The following RAPGEF4 variants were observed in gnomAD, a reference collection of about 807,000 sequenced individuals.
The protein encoded by RAPGEF4 is Rap guanine nucleotide exchange factor 4, also known as RAP guanine-nucleotide-exchange factor (GEF) 4.
Under a neutral mutation model 147.9 loss-of-function variants are expected in RAPGEF4, and 66 were observed. That is an observed-to-expected ratio of 0.45 (90% CI 0.37 to 0.55). The LOEUF (loss-of-function observed/expected upper bound fraction) is 0.55, where lower values mean the gene tolerates loss of function less well. Ranked by LOEUF, RAPGEF4 falls within the 20% of genes least tolerant of loss-of-function variation. The pLI, the probability that RAPGEF4 is intolerant of heterozygous loss-of-function variation, is 0.00. For synonymous variants in RAPGEF4, 419 were observed against 442.7 expected, an observed-to-expected ratio of 0.95 and a Z score of 0.67; for missense variants, 1,071 against 1,257.3, an observed-to-expected ratio of 0.85 and a Z score of 2.24.
chr2:172,810,619 G>C (rs541483230), intron 3 of RAPGEF4, among the ~76,000 whole-genome samples: 1 of 152,226 alleles, frequency 6.6e-6, no homozygotes. Context: ...AGGCGATTTT[G>C]TGTGTGTGTT....
chr2:172,981,628 G>A (rs977656115), intron 10 of RAPGEF4, among the ~76,000 whole-genome samples: 1 of 152,228 alleles, frequency 6.6e-6, no homozygotes, highest in African/African-American at 2.4e-5. Flanking sequence ...TCAGGATTAG[G>A]AAGATAGCCC....
chr2:172,974,393 T>C (rs969330587), intron 10 of RAPGEF4, among the ~76,000 whole-genome samples: 4 of 152,148 alleles, frequency 2.6e-5, no homozygotes, highest in Non-Finnish European at 5.9e-5. Flanking sequence ...TTTAAAATAA[T>C]TCTTACAAGG....
At chr2:173,001,993 C>CAAATAAAAAAAAAAA (rs1693970482) in intron 17 of RAPGEF4, among the ~76,000 whole-genome samples, 1 of 79,312 alleles carries the variant, frequency 1.3e-5, no homozygotes, top group Non-Finnish European at 2.5e-5. Flanking sequence ...GTGATGCTGG[C>CAAATAAAAAAAAAAA]AAAAAAAAAA....
intron 6 of RAPGEF4, among the ~76,000 whole-genome samples, chr2:172,957,788 G>A (rs1411891491): frequency 6.6e-6 from 1 of 152,182 alleles, no homozygotes; most frequent in Non-Finnish European, 1.5e-5. Flanking sequence ...CCTGGAACTG[G>A]TACTAGGATT....
chr2:172,859,309 G>A (rs1253602088), intron 4 of RAPGEF4, among the ~76,000 whole-genome samples: 1 of 152,128 alleles, frequency 6.6e-6, no homozygotes, highest in East Asian at 1.9e-4. Flanking sequence ...AAAGCATTGA[G>A]GTGCTGCTAA....
At chr2:172,899,016 T>C (rs1274783814) in intron 4 of RAPGEF4, among the ~76,000 whole-genome samples, 1 of 152,228 alleles carries the variant, frequency 6.6e-6, no homozygotes, top group Non-Finnish European at 1.5e-5. Context: ...GCTATGTATA[T>C]ATTGATGTGG....
At chr2:172,801,484 G>A (rs955632237) in intron 3 of RAPGEF4, among the ~76,000 whole-genome samples, 17 of 152,170 alleles carry the variant, frequency 1.1e-4, no homozygotes, top group African/African-American at 3.9e-4. Context: ...GAGCCAGGAT[G>A]GTGGAAGAAG....
intron 4 of RAPGEF4, among the ~76,000 whole-genome samples, chr2:172,870,526 A>G (rs764184440): frequency 7.2e-5 from 11 of 152,104 alleles, no homozygotes; most frequent in Non-Finnish European, 1.2e-4. Flanking sequence ...TTGTTTTCCT[A>G]TTCCTGGTTT....
intron 23 of RAPGEF4, among the ~76,000 whole-genome samples, chr2:173,023,436 C>G (rs900354436): frequency 6.6e-6 from 1 of 152,168 alleles, no homozygotes; most frequent in Non-Finnish European, 1.5e-5. Flanking sequence ...GGGCTATGTA[C>G]AAGAAAATGG....
chr2:172,762,423 A>G (rs1182595920), intron 1 of RAPGEF4, among the ~76,000 whole-genome samples: 1 of 152,220 alleles, frequency 6.6e-6, no homozygotes, highest in Non-Finnish European at 1.5e-5. Context: ...TATGCTCTTT[A>G]TGGAGTCCCA....
At position 172,985,471 on chromosome 2, in the gene RAPGEF4, T is replaced by G; in HGVS notation, c.1128T>G (p.Ser376=). The G allele has an allele frequency of 4.3e-6, 7 of 1,614,064 alleles. No individual in the cohort carries two copies. Among genetic ancestry groups the G allele is most frequent in the Non-Finnish European group, 4.2e-6 (5 of 1,179,982 alleles). The change falls in exon 12 of 31, where the codon TCT becomes TCG. Residue 376 remains serine (S), a synonymous_variant. Transcript: ENST00000397081. The part of the protein sequence containing the change: ...RELAGVLIFE[S]HAKGGTVLFN... ...TAGCAGGTGTTCTCATTTTTGAGTC[T>G]CACGCCAAAGGAGGGACTGTGTGTA... is the stretch of plus-strand genomic sequence containing the variant.
At chr2:172,744,814 G>A (rs1271158653) in intron 1 of RAPGEF4, among the ~76,000 whole-genome samples, 5 of 148,598 alleles carry the variant, frequency 3.4e-5, no homozygotes, top group Non-Finnish European at 6.0e-5. Context: ...CTTTCATGTA[G>A]TTGTTTTTTT....
intron 1 of RAPGEF4, among the ~76,000 whole-genome samples, chr2:172,739,773 G>A (rs1694144914): frequency 6.6e-6 from 1 of 152,202 alleles, no homozygotes; most frequent in Non-Finnish European, 1.5e-5. Context: ...GGTTGGTAAA[G>A]GAGTATTATG....
At chr2:173,019,700 C>T (rs1695865553) in intron 22 of RAPGEF4, among the ~76,000 whole-genome samples, 1 of 152,188 alleles carries the variant, frequency 6.6e-6, no homozygotes. Flanking sequence ...TCCAGTTGCA[C>T]AAGGCCCAGG....
intron 6 of RAPGEF4, among the ~76,000 whole-genome samples, chr2:172,941,454 A>G (rs528498013): frequency 1.9e-4 from 29 of 152,332 alleles, no homozygotes; most frequent in African/African-American, 7.0e-4. Flanking sequence ...TTTCACGATA[A>G]AGATGAAAAA....
intron 4 of RAPGEF4, among the ~76,000 whole-genome samples, chr2:172,869,241 C>T (rs187415873): frequency 2.0e-5 from 3 of 152,266 alleles, no homozygotes; most frequent in Non-Finnish European, 4.4e-5. Flanking sequence ...AACAATCCAG[C>T]TCTATTAAAA....
intron 1 of RAPGEF4, among the ~76,000 whole-genome samples, chr2:172,787,300 A>T (rs981713733): frequency 6.6e-6 from 1 of 152,198 alleles, no homozygotes; most frequent in Non-Finnish European, 1.5e-5. Context: ...GATACTGCTA[A>T]TAGACATTAT....
chr2:172,875,829 C>T (rs1046291253), intron 4 of RAPGEF4, among the ~76,000 whole-genome samples: 3 of 152,078 alleles, frequency 2.0e-5, no homozygotes, highest in African/African-American at 4.8e-5. Context: ...TATAAATTAC[C>T]TTGGGCAGTA....
In RAPGEF4 at chr2:172,999,854, G is replaced by A. The variant is rs183669580; in HGVS notation, c.1580-1412G>A. ...AGAGAAGGTGCCAGACAGAAGAGTT[G>A]CTACATGTGAGGAGAGAGCCGGAAA... is the stretch of plus-strand genomic sequence containing the variant. On this transcript the variant is annotated intron_variant, in intron 16 of 30. Transcript: ENST00000397081. Among the ~76,000 whole-genome samples the A allele has an allele frequency of 2.6e-4, 40 of 152,288 alleles. 2 individuals are homozygous for A. The East Asian group carries it at 3.7e-3, about 14-fold the overall frequency.
Sources: gnomAD v4.1 joint callset for allele counts (sites outside exome capture counted in the v4.1 genomes callset) on GRCh38, gnomAD v4.1.1 for gene constraint, MANE v1.5 for transcripts, NCBI Gene and HGNC (gene_info 2026-07-23, HGNC 2026-07-21) for gene names.